The following CDH1 variants were observed in gnomAD, a reference collection of about 807,000 sequenced individuals.
CDH1 encodes the protein cadherin-1.
A neutral mutation model predicts 84.5 loss-of-function variants in CDH1; 35 were observed. The observed-to-expected ratio is 0.41, with a 90% confidence interval of 0.32 to 0.55. The LOEUF (loss-of-function observed/expected upper bound fraction) is 0.55, where lower values mean the gene tolerates loss of function less well. CDH1 is among the 20% of genes least tolerant of loss of function. The probability of loss-of-function intolerance (pLI) is 0.19; values close to 1 mark genes in which losing one functional copy is unlikely to be tolerated. For missense variants in CDH1, 994 were observed against 1,126.6 expected, an observed-to-expected ratio of 0.88 and a Z score of 1.68; for synonymous variants, 417 against 439.0, an observed-to-expected ratio of 0.95 and a Z score of 0.63.
intron 2 of CDH1, among the ~76,000 whole-genome samples, chr16:68,794,660 C>T (rs1436905494): frequency 6.6e-6 from 1 of 150,924 alleles, no homozygotes; most frequent in Non-Finnish European, 1.5e-5. Flanking sequence ...TCTAGGACTA[C>T]AGGTGCACCA....
chr16:68,779,457 A>T (rs1400579311), intron 2 of CDH1, among the ~76,000 whole-genome samples: 3 of 152,306 alleles, frequency 2.0e-5, no homozygotes, highest in Non-Finnish European at 1.5e-5. Context: ...TACCACTGTG[A>T]GTATTGCTTT....
At chr16:68,804,804 A>G (rs1308465744) in intron 3 of CDH1, among the ~76,000 whole-genome samples, 1 of 150,050 alleles carries the variant, frequency 6.7e-6, no homozygotes, top group African/African-American at 2.5e-5. Context: ...TTAAAAAACA[A>G]CATATCCAGG....
intron 2 of CDH1, among the ~76,000 whole-genome samples, chr16:68,743,459 A>T (rs1420363678): frequency 6.6e-6 from 1 of 151,612 alleles, no homozygotes; most frequent in East Asian, 1.9e-4. Flanking sequence ...CCCGCCTGCC[A>T]TGTTCAAGTG....
chr16:68,757,965 ATCT>A (rs1963058753), intron 2 of CDH1, among the ~76,000 whole-genome samples: 1 of 90,526 alleles, frequency 1.1e-5, no homozygotes, highest in Non-Finnish European at 2.3e-5. Context: ...CTCCAGGCTA[ATCT>A]TTTTTTTTTT....
At position 68,796,719 on chromosome 16, in the gene CDH1, T is replaced by C. The variant is rs1960371669; in HGVS notation, c.164-4951T>C. On this transcript the variant is annotated intron_variant, in intron 2 of 15. Coordinates refer to ENST00000261769, the MANE Select transcript of CDH1 (RefSeq NM_004360.5). ...ATAGCAGCATGCAGGGATGACAGAG[T>C]ATTAAAAACACTTTTTAAAAGTCAT... Among the ~76,000 whole-genome samples, 5 of 151,946 alleles carry C rather than the reference T, an allele frequency of 3.3e-5. No homozygotes were observed. The South Asian group carries it at 1.0e-3, about 32-fold the overall frequency.
At position 68,813,389 on chromosome 16, in the gene CDH1, A is replaced by G. The variant is rs587778175; in HGVS notation, c.1214A>G (p.Asn405Ser). ...TLKVTDADAP[N>S]TPAWEAVYTI... ...AAAGTGACTGATGCTGATGCCCCCA[A>G]TACCCCAGCGTGGGAGGCTGTATAC... The change falls in exon 9 of 16, where the codon AAT becomes AGT. Residue 405 changes from asparagine to serine, a missense_variant. By Grantham distance (46) the Asn-to-Ser change is conservative. Around this residue, in one of 3 missense-constraint regions of CDH1, gnomAD observed 769 missense variants for 881.8 expected, o/e 0.87. Coordinates refer to ENST00000261769, the MANE Select transcript of CDH1 (RefSeq NM_004360.5). The G allele has an allele frequency of 4.8e-5, 77 of 1,613,980 alleles. No individual in the cohort carries two copies. Among genetic ancestry groups the G allele is most frequent in the Non-Finnish European group, 5.8e-5 (69 of 1,180,022 alleles).
intron 3 of CDH1, 77 bp downstream of exon 3, chr16:68,801,970 G>GTTGACA (rs1960530321): frequency 8.1e-7 from 1 of 1,227,612 alleles, no homozygotes; most frequent in Admixed American, 1.8e-5. Flanking sequence ...CCTTGGTACC[G>GTTGACA]TTGACATTTT....
At chr16:68,829,937 CT>C in intron 15 of CDH1, 140 bp downstream of exon 15, 1 of 741,500 alleles carries the variant, frequency 1.3e-6, no homozygotes, top group Non-Finnish European at 2.1e-6. Flanking sequence ...CCCTGTTTTC[CT>C]TTTTCTTTTT....
intron 2 of CDH1, among the ~76,000 whole-genome samples, chr16:68,739,437 ATTT>A (rs913935053): frequency 6.6e-6 from 1 of 150,520 alleles, no homozygotes; most frequent in Non-Finnish European, 1.5e-5. Context: ...TAAAAAATAA[ATTT>A]TTTTTTAGAG....
At chr16:68,811,098 A>G (rs1960809130) in intron 6 of CDH1, among the ~76,000 whole-genome samples, 2 of 151,652 alleles carry the variant, frequency 1.3e-5, no homozygotes, top group African/African-American at 4.8e-5. Context: ...TCTCCTCCAT[A>G]AAGATAACCA....
At chr16:68,792,783 G>A (rs899515960) in intron 2 of CDH1, among the ~76,000 whole-genome samples, 2 of 152,164 alleles carry the variant, frequency 1.3e-5, no homozygotes, top group African/African-American at 4.8e-5. Flanking sequence ...AGGGTAAAGG[G>A]TCCTGGGCTA....
intron 2 of CDH1, among the ~76,000 whole-genome samples, chr16:68,781,981 C>G (rs1469569181): frequency 6.6e-6 from 1 of 152,176 alleles, no homozygotes; most frequent in Non-Finnish European, 1.5e-5. Flanking sequence ...AAAACCGCAG[C>G]CCAGGAAACT....
At chr16:68,791,125 C>T (rs960976882) in intron 2 of CDH1, among the ~76,000 whole-genome samples, 1 of 152,072 alleles carries the variant, frequency 6.6e-6, no homozygotes, top group African/African-American at 2.4e-5. Context: ...GTGATTGTGG[C>T]TGGATCTTCA....
intron 5 of CDH1, among the ~76,000 whole-genome samples, chr16:68,809,874 C>A (rs1000972243): frequency 3.3e-5 from 5 of 152,100 alleles, no homozygotes; most frequent in African/African-American, 1.2e-4. Flanking sequence ...AAATGCTAGA[C>A]TAAAAGGACC....
At chr16:68,798,095 T>G (rs16958363) in intron 2 of CDH1, among the ~76,000 whole-genome samples, 5,085 of 151,926 alleles carry the variant, frequency 0.033, 153 homozygotes, top group South Asian at 0.088. Context: ...AAAAAAGACT[T>G]TCCCACATGG....
At chr16:68,823,766 C>T in intron 13 of CDH1, 140 bp downstream of exon 13, 1 of 654,076 alleles carries the variant, frequency 1.5e-6, no homozygotes, top group Non-Finnish European at 2.7e-6. Context: ...TTATGCCAGC[C>T]TCCATAAAAT....
intron 3 of CDH1, among the ~76,000 whole-genome samples, chr16:68,805,676 C>T (rs1960636161): frequency 6.6e-6 from 1 of 152,226 alleles, no homozygotes; most frequent in South Asian, 2.1e-4. Context: ...CTCACTGCAA[C>T]CTCCACCTCC....
intron 2 of CDH1, among the ~76,000 whole-genome samples, chr16:68,766,656 T>C (rs934123425): frequency 6.6e-5 from 10 of 152,202 alleles, no homozygotes; most frequent in Non-Finnish European, 1.2e-4. Context: ...CCTTACTATA[T>C]GTGGGGCATT....
rs760528078 is a variant in CDH1, at chr16:68,818,067, C to A, written c.1566-1213C>A. Among the ~76,000 whole-genome samples the A allele has an allele frequency of 3.3e-5, 5 of 151,374 alleles. No homozygotes were observed. In the South Asian group the frequency reaches 1.0e-3, roughly 32 times the overall value. ...TATCCTGGCTAACATGGTGAAACCT[C>A]GTCTCTACTAAAAATACAAAAAATT... On this transcript the variant is annotated intron_variant, in intron 10 of 15. Transcript: ENST00000261769.
Sources: gnomAD v4.1 joint callset for allele counts (sites outside exome capture counted in the v4.1 genomes callset) on GRCh38, gnomAD v4.1.1 for gene constraint, gnomAD v4.1.1 regional missense constraint, MANE v1.5 for transcripts, NCBI Gene and HGNC (gene_info 2026-07-23, HGNC 2026-07-21) for gene names.